OGFRL1: variants seen among roughly 807,000 people sequenced by gnomAD.
The protein encoded by OGFRL1 is opioid growth factor receptor like 1, also known as opioid growth factor receptor-like protein 1.
OGFRL1 carries 26 observed loss-of-function variants against 32.4 expected under a neutral mutation model. The ratio of observed to expected loss-of-function variants is 0.80; its 90% confidence interval spans 0.59 to 1.11. OGFRL1 has a LOEUF of 1.11. OGFRL1 is among the 50% of genes most tolerant of loss of function. The pLI is 0.00. For synonymous variants in OGFRL1, 211 were observed against 201.2 expected, an observed-to-expected ratio of 1.05 and a Z score of -0.41; for missense variants, 521 against 546.4, an observed-to-expected ratio of 0.95 and a Z score of 0.46.
rs942308148 is a variant in OGFRL1, at chr6:71,304,955, G to T, written c.*2906G>T. 6.6e-6 allele frequency: 1 copy of T among 151,902 alleles called. No homozygotes were observed. The highest frequency in any genetic ancestry group is 1.9e-4 in the East Asian group (1 of 5,198). 9.4% of individuals were successfully genotyped at this position (151,902 alleles called of 1,614,324 possible). A position where few individuals can be genotyped will look rare whatever the true frequency, so the allele number is the denominator to read the frequency against. On this transcript the variant is annotated 3_prime_UTR_variant, in exon 7 of 7. Transcript: ENST00000370435. ...CTTTGTATATTAGTTTTTTAAATAAGATCTATAGATATGTATTTATGTGTG... is the reference window on the plus strand; with the variant it reads ...CTTTGTATATTAGTTTTTTAAATAATATCTATAGATATGTATTTATGTGTG...
At position 71,293,549 on chromosome 6, in the gene OGFRL1, G is replaced by A. The variant is rs370124520; in HGVS notation, c.338G>A (p.Arg113Gln). 5.0e-6 allele frequency: 8 copies of A among 1,612,402 alleles called. No homozygotes were observed. Among genetic ancestry groups the A allele is most frequent in the South Asian group, 3.3e-5 (3 of 90,934 alleles). Residue 113 changes from arginine to glutamine, a missense_variant, in exon 3 of 7, where the codon CGA becomes CAA. Transcript: ENST00000370435. The stretch of plus-strand genomic sequence containing the variant: ...CTTTAGCAGAACTTCAAAGATATCC[G>A]ATATCAAAATGACTTGAGCAATCTT... ...RHQYPNFKDI[R>Q]YQNDLSNLRF...
rs1321280644 is a variant in OGFRL1, at chr6:71,289,129, C to T, written c.193C>T (p.Pro65Ser). Residue 65 changes from proline to serine, a missense_variant, in exon 1 of 7, where the codon CCC becomes TCC. Physicochemically the swap from Pro to Ser is moderately conservative, Grantham distance 74 (BLOSUM62 -1). Transcript: ENST00000370435. ...AGCCGGCGGGCGGCCCGGCGCCAGCCCCGCGCCGGACGAGGACGCCGAGGC... is the reference window on the plus strand; with the variant it reads ...AGCCGGCGGGCGGCCCGGCGCCAGCTCCGCGCCGGACGAGGACGCCGAGGC... ...EQAGGRPGAS[P>S]APDEDAEAAG... is the part of the protein sequence containing the mutation. 20 of 1,107,986 alleles carry T rather than the reference C, an allele frequency of 1.8e-5. No homozygotes were observed. In the Admixed American group the frequency reaches 6.1e-4, roughly 34 times the overall value. 68.6% of individuals were successfully genotyped at this position (1,107,986 alleles called of 1,614,324 possible). A position where few individuals can be genotyped will look rare whatever the true frequency, so the allele number is the denominator to read the frequency against.
At chr6:71,292,719 C>G (rs1766087053) in intron 1 of OGFRL1, among the ~76,000 whole-genome samples, 1 of 152,088 alleles carries the variant, frequency 6.6e-6, no homozygotes, top group African/African-American at 2.4e-5. Context: ...ATTCAGTGAA[C>G]AGATGATTAT....
rs993620795 is a variant in OGFRL1, at chr6:71,289,827, A to C, written c.234+657A>C. The stretch of plus-strand genomic sequence containing the variant: ...TGGAGGAGAGGTTAGTCAAGAGATA[A>C]GCCCCTTAACCTCTGATGGACTGAA... On this transcript the variant is annotated intron_variant, in intron 1 of 6. Transcript: ENST00000370435. 6 of 984,882 alleles carry C rather than the reference A, an allele frequency of 6.1e-6. No homozygotes were observed. In the African/African-American group the frequency reaches 8.7e-5, roughly 14 times the overall value. 61.0% of individuals were successfully genotyped at this position (984,882 alleles called of 1,614,324 possible). A position where few individuals can be genotyped will look rare whatever the true frequency, so the allele number is the denominator to read the frequency against.
Position 71,304,572 on chromosome 6 carries a change from C to T in OGFRL1, c.*2523C>T, listed in dbSNP as rs1452133847. The stretch of plus-strand genomic sequence containing the variant: ...ATGATATTAATAAAGTTACCAGATA[C>T]TAAAATCAATGAATGTAATTTGAAT... On this transcript the variant is annotated 3_prime_UTR_variant, in exon 7 of 7. Coordinates refer to ENST00000370435, the MANE Select transcript of OGFRL1 (RefSeq NM_024576.5). 1 of 152,042 alleles carries T rather than the reference C, an allele frequency of 6.6e-6. No homozygotes were observed. Among genetic ancestry groups the T allele is most frequent in the Non-Finnish European group, 1.5e-5 (1 of 67,972 alleles). 9.4% of individuals were successfully genotyped at this position (152,042 alleles called of 1,614,324 possible). A position where few individuals can be genotyped will look rare whatever the true frequency, so the allele number is the denominator to read the frequency against.
At chr6:71,291,086 A>AGAG (rs1372266795) in intron 1 of OGFRL1, among the ~76,000 whole-genome samples, 1 of 152,166 alleles carries the variant, frequency 6.6e-6, no homozygotes, top group African/African-American at 2.4e-5. Context: ...GAGGGTATGA[A>AGAG]GAGGAGGAGG....
Position 71,296,566 on chromosome 6 carries a change from T to A in OGFRL1, c.546+5T>A, listed in dbSNP as rs1043109652. The stretch of plus-strand genomic sequence containing the variant: ...CTAACTACATATGAAATTGAGGTAA[T>A]GCAAGCTCATTTCATTTTATACAGG... On this transcript the variant is annotated splice_donor_5th_base_variant and intron_variant, in intron 5 of 6. Coordinates refer to ENST00000370435, the MANE Select transcript of OGFRL1 (RefSeq NM_024576.5). 2 of 1,611,142 alleles carry A rather than the reference T, an allele frequency of 1.2e-6. No individual in the cohort carries two copies. Among genetic ancestry groups the A allele is most frequent in the Non-Finnish European group, 1.7e-6 (2 of 1,178,820 alleles).
intron 3 of OGFRL1, chr6:71,295,922 C>CT (rs972647995): frequency 6.4e-6 from 1 of 156,410 alleles, no homozygotes; most frequent in Non-Finnish European, 1.4e-5. Flanking sequence ...ATATTTTGGG[C>CT]TTTGGGGGAC....
At chr6:71,291,392 C>T (rs555523791) in intron 1 of OGFRL1, 5 of 152,270 alleles carry the variant, frequency 3.3e-5, no homozygotes, top group African/African-American at 9.6e-5. Flanking sequence ...ATGGGCAATT[C>T]TTTGGTGGTG....
rs533676432 is a variant in OGFRL1 at position 71,305,928 on chromosome 6, A to C, written c.*3879A>C. The C allele has an allele frequency of 3.1e-4, 47 of 152,312 alleles. No individual in the cohort carries two copies. The highest frequency in any genetic ancestry group is 1.1e-3 in the African/African-American group (47 of 41,584). The allele number at this position is 152,312 out of a possible 1,614,324, so 9.4% of individuals were successfully genotyped here. On this transcript the variant is annotated 3_prime_UTR_variant, in exon 7 of 7. Transcript: ENST00000370435. Reference sequence around the variant, plus strand: ...GGTTGAGTAGTCATCCATACTGAGTAATCACGCATTTTTTAAACTATAATT... The same window carrying C: ...GGTTGAGTAGTCATCCATACTGAGTCATCACGCATTTTTTAAACTATAATT...
In OGFRL1 at chr6:71,289,548, TAAAAAAAA is replaced by T. The variant is rs1158690810; in HGVS notation, c.234+403_234+410del. 1.7e-3 allele frequency: 903 copies of T among 541,668 alleles called. 2 individuals carry two copies. Among genetic ancestry groups the T allele is most frequent in the African/African-American group, 3.7e-3 (78 of 20,918 alleles). 33.6% of individuals were successfully genotyped at this position (541,668 alleles called of 1,614,324 possible). A position where few individuals can be genotyped will look rare whatever the true frequency, so the allele number is the denominator to read the frequency against. On this transcript the variant is annotated intron_variant, in intron 1 of 6. Coordinates refer to ENST00000370435, the MANE Select transcript of OGFRL1 (RefSeq NM_024576.5). ...CAACCCCTCTAGTGTGTGTTATTGG[TAAAAAAAA>T]AAAAAAAAAAAAAAAAAAAAAAAAT...
In OGFRL1 at chr6:71,289,093, C is replaced by A. The variant is rs541556627; in HGVS notation, c.157C>A (p.Pro53Thr). Reference protein sequence around the residue: ...PGQESEQPAQPPEQAGGRPGA... With the variant: ...PGQESEQPAQTPEQAGGRPGA... ...GCAGGAGTCCGAGCAGCCCGCGCAGCCCCCGGAGCAAGCCGGCGGGCGGCC... is the reference window on the plus strand; with the variant it reads ...GCAGGAGTCCGAGCAGCCCGCGCAGACCCCGGAGCAAGCCGGCGGGCGGCC... The change falls in exon 1 of 7, where the codon CCC (proline) becomes ACC (threonine). Residue 53 changes from proline (P) to threonine (T), a missense_variant. Coordinates refer to ENST00000370435, the MANE Select transcript of OGFRL1 (RefSeq NM_024576.5). The A allele has an allele frequency of 1.3e-4, 147 of 1,122,578 alleles. No individual in the cohort carries two copies. The highest frequency in any genetic ancestry group is 1.6e-4 in the Non-Finnish European group (146 of 918,998). The allele number at this position is 1,122,578 out of a possible 1,614,324, so 69.5% of individuals were successfully genotyped here.
At chr6:71,289,270 A>C (rs1211506143) in intron 1 of OGFRL1, 100 bp downstream of exon 1, 79 of 1,012,718 alleles carry the variant, frequency 7.8e-5, no homozygotes, top group Non-Finnish European at 9.2e-5. Flanking sequence ...CAGGGGCGCC[A>C]GGTGGCTGCT....
In OGFRL1 at chr6:71,289,080, G is replaced by A. The variant is rs1765952350; in HGVS notation, c.144G>A (p.Glu48=). The change falls in exon 1 of 7, where the codon GAG becomes GAA. Residue 48 remains glutamate (E), a synonymous_variant. Transcript: ENST00000370435. ...GCGAGGGCCCGGGGCAGGAGTCCGA[G>A]CAGCCCGCGCAGCCCCCGGAGCAAG... ...GGSEGPGQES[E]QPAQPPEQAG... 2 of 1,151,196 alleles carry A rather than the reference G, an allele frequency of 1.7e-6. No homozygotes were observed. Among genetic ancestry groups the A allele is most frequent in the Admixed American group, 4.6e-5 (1 of 21,544 alleles). The allele number at this position is 1,151,196 out of a possible 1,614,324, so 71.3% of individuals were successfully genotyped here. A position where few individuals can be genotyped will look rare whatever the true frequency, so the allele number is the denominator to read the frequency against.
Position 71,296,538 on chromosome 6 carries a change from G to T in OGFRL1, c.523G>T (p.Glu175Ter). Residue 175 changes from glutamate to a stop codon, truncating the protein, a stop_gained, in exon 5 of 7, where the codon GAA becomes TAA. Coordinates refer to ENST00000370435, the MANE Select transcript of OGFRL1 (RefSeq NM_024576.5). LOFTEE classifies it high-confidence loss of function. ...ACAAGGCTTGAACTTCTATGCCAAAGAACTAACTACATATGAAATTGAGGT... is the reference window on the plus strand; with the variant it reads ...ACAAGGCTTGAACTTCTATGCCAAATAACTAACTACATATGAAATTGAGGT... Reference protein sequence around the residue: ...REQGLNFYAKELTTYEIEEFK... With the variant: ...REQGLNFYAK 1 of 1,611,800 alleles carries T rather than the reference G, an allele frequency of 6.2e-7. No individual in the cohort carries two copies. The highest frequency in any genetic ancestry group is 8.5e-7 in the Non-Finnish European group (1 of 1,179,224).
chr6:71,295,057 C>CTGGGGTCAGAAGTTTTAGA (rs1766163028), intron 3 of OGFRL1: 1 of 151,952 alleles, frequency 6.6e-6, no homozygotes, highest in South Asian at 2.1e-4. Context: ...GAAGTTTTAG[C>CTGGGGTCAGAAGTTTTAGA]TAAGGTCAGA....
Position 71,303,001 on chromosome 6 carries a change from T to C in OGFRL1, c.*952T>C, listed in dbSNP as rs1427067585. ...GCCACCATCTTTCTCAGCTAGCGTG[T>C]GTGTTTCTAGTGTAGTTGGCCCTCC... On this transcript the variant is annotated 3_prime_UTR_variant, in exon 7 of 7. Coordinates refer to ENST00000370435, the MANE Select transcript of OGFRL1 (RefSeq NM_024576.5). 1.3e-5 allele frequency: 2 copies of C among 152,156 alleles called. No individual in the cohort carries two copies. Among genetic ancestry groups the C allele is most frequent in the African/African-American group, 2.4e-5 (1 of 41,438 alleles). 9.4% of individuals were successfully genotyped at this position (152,156 alleles called of 1,614,324 possible).
intron 1 of OGFRL1, chr6:71,291,935 G>C (rs1766063227): frequency 6.6e-6 from 1 of 152,190 alleles, no homozygotes; most frequent in East Asian, 1.9e-4. Flanking sequence ...TTCTTGCACT[G>C]TCACTGGACT....
At chr6:71,292,220 C>T (rs1766073012) in intron 1 of OGFRL1, among the ~76,000 whole-genome samples, 1 of 152,104 alleles carries the variant, frequency 6.6e-6, no homozygotes, top group African/African-American at 2.4e-5. Flanking sequence ...GTGGCAAGGA[C>T]CAGAATTCAA....
Sources: allele counts gnomAD v4.1 joint callset (sites outside exome capture counted in the v4.1 genomes callset), GRCh38; gene constraint gnomAD v4.1.1; transcripts MANE v1.5; gene names NCBI Gene and HGNC (gene_info 2026-07-23, HGNC 2026-07-21).